The following SORBS2 variants were observed in gnomAD, a reference collection of about 807,000 sequenced individuals.
SORBS2 encodes sorbin and SH3 domain-containing protein 2.
In SORBS2, 46 loss-of-function variants were observed where a neutral mutation model predicts 97.7. That is an observed-to-expected ratio of 0.47 (90% CI 0.37 to 0.60). SORBS2 has a LOEUF of 0.60. SORBS2 is among the 20% of genes least tolerant of loss of function. The probability of loss-of-function intolerance (pLI) is 0.00; values close to 1 mark genes in which losing one functional copy is unlikely to be tolerated. For missense variants in SORBS2, 1,316 were observed against 1,282.3 expected, an observed-to-expected ratio of 1.03 and a Z score of -0.40; for synonymous variants, 476 against 473.4, an observed-to-expected ratio of 1.01 and a Z score of -0.07.
At chr4:185,591,216 A>G (rs1004838652) in intron 13 of SORBS2, among the ~76,000 whole-genome samples, 5 of 152,198 alleles carry the variant, frequency 3.3e-5, no homozygotes, top group Non-Finnish European at 7.3e-5. Context: ...AACATCCCCT[A>G]GAAAATATTG....
intron 1 of SORBS2, among the ~76,000 whole-genome samples, chr4:185,919,727 T>C (rs1339278064): frequency 6.6e-5 from 10 of 152,218 alleles, no homozygotes; most frequent in Admixed American, 6.5e-4. Context: ...TCACCAGAAA[T>C]AGCTGATACA....
chr4:185,650,962 C>A (rs2097303240), intron 2 of SORBS2, among the ~76,000 whole-genome samples: 1 of 152,044 alleles, frequency 6.6e-6, no homozygotes, highest in Admixed American at 6.6e-5. Flanking sequence ...TCCAGGGGTG[C>A]AGAACAGGAG....
intron 1 of SORBS2, among the ~76,000 whole-genome samples, chr4:185,915,029 G>A (rs748323012): frequency 3.3e-5 from 5 of 152,176 alleles, no homozygotes; most frequent in Non-Finnish European, 5.9e-5. Flanking sequence ...AATGAATGAC[G>A]ACACTAAAGA....
chr4:185,703,147 CT>C (rs2098289898), intron 2 of SORBS2, among the ~76,000 whole-genome samples: 1 of 152,158 alleles, frequency 6.6e-6, no homozygotes, highest in Admixed American at 6.5e-5. Context: ...TATTACATGT[CT>C]TTCTATATTA....
intron 4 of SORBS2, among the ~76,000 whole-genome samples, chr4:185,631,614 G>A (rs1025652990): frequency 6.6e-6 from 1 of 152,010 alleles, no homozygotes; most frequent in Non-Finnish European, 1.5e-5. Context: ...TATGAAAAAC[G>A]AGCCAGGCAT....
At chr4:185,731,008 A>T (rs1309901682) in intron 2 of SORBS2, among the ~76,000 whole-genome samples, 2 of 152,242 alleles carry the variant, frequency 1.3e-5, no homozygotes, top group Non-Finnish European at 2.9e-5. Context: ...GTTCTCGGGG[A>T]ACAAATGACT....
chr4:185,747,106 A>G (rs2098766523), intron 2 of SORBS2, among the ~76,000 whole-genome samples: 1 of 152,158 alleles, frequency 6.6e-6, no homozygotes, highest in Non-Finnish European at 1.5e-5. Context: ...GGAAATTTGG[A>G]CACACAAAAA....
intron 1 of SORBS2, among the ~76,000 whole-genome samples, chr4:185,823,881 A>G (rs1351253198): frequency 6.6e-6 from 1 of 152,222 alleles, no homozygotes; most frequent in Non-Finnish European, 1.5e-5. Flanking sequence ...AAGGCCAAGC[A>G]GAGAAGCCCG....
chr4:185,657,283 A>T (rs765579454), upstream of SORBS2: 1 of 674,202 alleles, frequency 1.5e-6, no homozygotes, highest in Non-Finnish European at 2.3e-6. Flanking sequence ...CACACACAGC[A>T]TAACATTCAT....
intron 1 of SORBS2, among the ~76,000 whole-genome samples, chr4:185,889,590 C>T (rs2099241452): frequency 6.6e-6 from 1 of 152,030 alleles, no homozygotes; most frequent in Non-Finnish European, 1.5e-5. Context: ...GGTATCATTC[C>T]CCGATCTCCA....
chr4:185,888,749 G>C (rs554496852), intron 1 of SORBS2, among the ~76,000 whole-genome samples: 2 of 152,298 alleles, frequency 1.3e-5, no homozygotes, highest in South Asian at 2.1e-4. Context: ...GCAGCCTGCT[G>C]TGTCCACCCC....
chr4:185,587,697 A>G lies in SORBS2; in HGVS notation c.2954-9T>C. 2 of 1,610,470 alleles carry G rather than the reference A, an allele frequency of 1.2e-6. No individual in the cohort carries two copies. The highest frequency in any genetic ancestry group is 1.7e-6 in the Non-Finnish European group (2 of 1,177,326). The stretch of plus-strand genomic sequence containing the variant: ...GGTTCTTCTTGAGGTCCCTGAAAAT[A>G]GAAGCGAGTCATGAAAGGGGGGTGA... On this transcript the variant is annotated splice_polypyrimidine_tract_variant and intron_variant, in intron 14 of 14. Transcript: ENST00000418609.
At chr4:185,782,099 A>G (rs955540555) in intron 1 of SORBS2, among the ~76,000 whole-genome samples, 2 of 152,278 alleles carry the variant, frequency 1.3e-5, no homozygotes, top group Non-Finnish European at 2.9e-5. Context: ...AAATGATTAA[A>G]TAAGTTCTGC....
At chr4:185,759,204 C>T (rs2098848593) in intron 2 of SORBS2, among the ~76,000 whole-genome samples, 1 of 152,222 alleles carries the variant, frequency 6.6e-6, no homozygotes, top group Non-Finnish European at 1.5e-5. Context: ...ACAGAGCCTG[C>T]AGAGGAGATA....
In SORBS2 at chr4:185,780,141, G is replaced by A. The variant is rs145886674; in HGVS notation, c.-337-4775C>T. Among the ~76,000 whole-genome samples the A allele has an allele frequency of 2.4e-3, 357 of 147,738 alleles. 2 individuals carry two copies. The highest frequency in any genetic ancestry group is 8.5e-3 in the African/African-American group (340 of 39,836). ...AGTAATTCTCCTGCCTCAGCCTCCC[G>A]AATAGCTGGGATTACAGGCATGCAT... On this transcript the variant is annotated intron_variant, in intron 1 of 20. Coordinates refer to the SORBS2 transcript ENST00000284776.
intron 1 of SORBS2, among the ~76,000 whole-genome samples, chr4:185,914,808 C>T (rs978773848): frequency 6.6e-5 from 10 of 152,190 alleles, no homozygotes; most frequent in African/African-American, 2.2e-4. Flanking sequence ...TTTATCTAAC[C>T]TCTGTAACCA....
intron 4 of SORBS2, among the ~76,000 whole-genome samples, chr4:185,673,145 C>T (rs1005962515): frequency 2.6e-5 from 4 of 152,114 alleles, no homozygotes; most frequent in Non-Finnish European, 5.9e-5. Context: ...AGAGAGTAGA[C>T]TGGTGGTTGC....
chr4:185,845,555 GA>G (rs1355334363), intron 1 of SORBS2, among the ~76,000 whole-genome samples: 1 of 152,052 alleles, frequency 6.6e-6, no homozygotes, highest in Non-Finnish European at 1.5e-5. Flanking sequence ...GCCATAAAAG[GA>G]AAAATTAACA....
At chr4:185,699,739 G>A (rs2098232032) in intron 2 of SORBS2, among the ~76,000 whole-genome samples, 1 of 152,026 alleles carries the variant, frequency 6.6e-6, no homozygotes, top group South Asian at 2.1e-4. Context: ...GTTGAACAGT[G>A]GATAGTTTAT....
Sources: gnomAD v4.1 joint callset for allele counts (sites outside exome capture counted in the v4.1 genomes callset) on GRCh38, gnomAD v4.1.1 for gene constraint, MANE v1.5 for transcripts, NCBI Gene and HGNC (gene_info 2026-07-23, HGNC 2026-07-21) for gene names.